The following L2HGDH variants were observed in gnomAD, a reference collection of about 807,000 sequenced individuals.
L2HGDH encodes the protein L-2-hydroxyglutarate dehydrogenase, also known as L-2-hydroxyglutarate dehydrogenase, mitochondrial.
L2HGDH carries 34 observed loss-of-function variants against 51.5 expected under a neutral mutation model. The ratio of observed to expected loss-of-function variants is 0.66; its 90% CI spans 0.50 to 0.88. The LOEUF is 0.88. L2HGDH is among the 40% of genes least tolerant of loss of function. L2HGDH has a pLI of 0.00. For missense variants in L2HGDH, 558 were observed against 571.9 expected (o/e 0.98, Z 0.25); for synonymous variants, 198 against 197.9 (o/e 1.00, Z -0.01).
chr14:50,257,484 C>G (rs1454787390), intron 9 of L2HGDH, among the ~76,000 whole-genome samples: 1 of 151,952 alleles, frequency 6.6e-6, no homozygotes, highest in Non-Finnish European at 1.5e-5. Context: ...ATCCTCCCTC[C>G]TCGGCCTCCA....
intron 9 of L2HGDH, among the ~76,000 whole-genome samples, chr14:50,247,622 G>A (rs1888082832): frequency 6.6e-6 from 1 of 152,032 alleles, no homozygotes; most frequent in Non-Finnish European, 1.5e-5. Context: ...ATCAATCAAT[G>A]GCAACAATAA....
intron 4 of L2HGDH, among the ~76,000 whole-genome samples, chr14:50,285,349 T>C (rs900336273): frequency 3.3e-5 from 5 of 152,362 alleles, no homozygotes; most frequent in Admixed American, 2.6e-4. Flanking sequence ...GTCTCTTTTT[T>C]AACAAATTGA....
rs562728776 is a variant in L2HGDH at position 50,289,488 on chromosome 14, G to C, written c.540+4627C>G. Among the ~76,000 whole-genome samples, 67 of 152,218 alleles carry C rather than the reference G, an allele frequency of 4.4e-4. 1 individual carries two copies. The South Asian group carries it at 0.013, about 30-fold the overall frequency. On this transcript the variant is annotated intron_variant, in intron 4 of 9. Transcript: ENST00000267436. Reference sequence around the variant, plus strand: ...AAAATTATAACAAATTTAGTTTAAAGATCTAATTAGCTTTATTAGAAATTC... The same window carrying C: ...AAAATTATAACAAATTTAGTTTAAACATCTAATTAGCTTTATTAGAAATTC...
chr14:50,246,705 C>T lies in L2HGDH; in HGVS notation c.*353G>A, dbSNP rs1029317490. ...CCTTGGCTTCCCAAAGTGCTGGCCA[C>T]GGCCCCCAGCCTAACATTTTGAAAA... On this transcript the variant is annotated 3_prime_UTR_variant, in exon 10 of 10. Coordinates refer to ENST00000267436, the MANE Select transcript of L2HGDH (RefSeq NM_024884.3). 2.2e-5 allele frequency: 4 copies of T among 182,138 alleles called. No individual in the cohort carries two copies. The highest frequency in any genetic ancestry group is 1.5e-4 in the East Asian group (1 of 6,506). 11.3% of individuals were successfully genotyped at this position (182,138 alleles called of 1,614,324 possible).
Position 50,245,634 on chromosome 14 carries a change from C to T in L2HGDH, c.*1424G>A. 2.0e-6 allele frequency: 2 copies of T among 979,840 alleles called. No individual in the cohort carries two copies. Among genetic ancestry groups the T allele is most frequent in the Non-Finnish European group, 2.4e-6 (2 of 824,938 alleles). 60.7% of individuals were successfully genotyped at this position (979,840 alleles called of 1,614,324 possible). A position where few individuals can be genotyped will look rare whatever the true frequency, so the allele number is the denominator to read the frequency against. On this transcript the variant is annotated 3_prime_UTR_variant, in exon 10 of 10. Coordinates refer to ENST00000267436, the MANE Select transcript of L2HGDH (RefSeq NM_024884.3). ...TCTAAATAATGTGAGTTTTGTGACTCTTCAAAATTAAAAGAATGTAACCTA... is the reference window on the plus strand; with the variant it reads ...TCTAAATAATGTGAGTTTTGTGACTTTTCAAAATTAAAAGAATGTAACCTA...
chr14:50,242,556 T>C lies in L2HGDH; in HGVS notation c.*4502A>G. 1.0e-6 allele frequency: 1 copy of C among 984,826 alleles called. No individual in the cohort carries two copies. Among genetic ancestry groups the C allele is most frequent in the Non-Finnish European group, 1.2e-6 (1 of 829,522 alleles). 61.0% of individuals were successfully genotyped at this position (984,826 alleles called of 1,614,324 possible). A position where few individuals can be genotyped will look rare whatever the true frequency, so the allele number is the denominator to read the frequency against. ...AGGATTTGAGGCCAGAAAAGTAGAG[T>C]TGGTTGGTATCAACACTGTTCTTCC... is the stretch of plus-strand genomic sequence containing the variant. On this transcript the variant is annotated 3_prime_UTR_variant, in exon 10 of 10. Coordinates refer to ENST00000267436, the MANE Select transcript of L2HGDH (RefSeq NM_024884.3).
rs2030438282 is a variant in L2HGDH, at chr14:50,302,013, A to AT, written c.408+3dup. 1 of 1,614,116 alleles carries AT rather than the reference A, an allele frequency of 6.2e-7. No homozygotes were observed. On this transcript the variant is annotated splice_donor_region_variant and intron_variant, in intron 3 of 9. Coordinates refer to ENST00000267436, the MANE Select transcript of L2HGDH (RefSeq NM_024884.3). ...TTAGTCAAGGCTCTAATAAAATGCC[A>AT]TACCTTGCCACACTGCTTGTAGGAA...
intron 9 of L2HGDH, among the ~76,000 whole-genome samples, chr14:50,261,526 A>G (rs1889021709): frequency 6.6e-6 from 1 of 152,174 alleles, no homozygotes; most frequent in Non-Finnish European, 1.5e-5. Context: ...TCTCTCCACC[A>G]GGCTGGAGGA....
chr14:50,252,505 G>C (rs969821409), intron 9 of L2HGDH, among the ~76,000 whole-genome samples: 1 of 151,650 alleles, frequency 6.6e-6, no homozygotes, highest in Admixed American at 6.6e-5. Flanking sequence ...GAAAAAACAA[G>C]ACCCAATGAT....
At chr14:50,307,899 A>C (rs951725285) in intron 1 of L2HGDH, among the ~76,000 whole-genome samples, 1 of 152,222 alleles carries the variant, frequency 6.6e-6, no homozygotes, top group African/African-American at 2.4e-5. Flanking sequence ...AAATCTTGGG[A>C]CTTAGAGTTG....
chr14:50,310,617 C>T (rs1474184756), intron 1 of L2HGDH, among the ~76,000 whole-genome samples: 2 of 151,962 alleles, frequency 1.3e-5, no homozygotes, highest in Non-Finnish European at 2.9e-5. Flanking sequence ...GAGGGAGGAT[C>T]GCTTGAGCCC....
At chr14:50,301,744 T>C (rs1179235711) in intron 3 of L2HGDH, among the ~76,000 whole-genome samples, 1 of 152,136 alleles carries the variant, frequency 6.6e-6, no homozygotes, top group Non-Finnish European at 1.5e-5. Flanking sequence ...AATTAGATAG[T>C]GGTGATGATT....
chr14:50,297,811 G>C (rs967391344), intron 3 of L2HGDH, among the ~76,000 whole-genome samples: 1 of 152,118 alleles, frequency 6.6e-6, no homozygotes, highest in Non-Finnish European at 1.5e-5. Context: ...ATATGCCTCT[G>C]GCCAGGCATA....
chr14:50,302,384 A>C (rs1046997249), intron 2 of L2HGDH, among the ~76,000 whole-genome samples: 1 of 152,160 alleles, frequency 6.6e-6, no homozygotes, highest in Non-Finnish European at 1.5e-5. Context: ...TTTGGTGCAC[A>C]AACTCACCTC....
chr14:50,247,338 TA>T (rs1232581278), intron 9 of L2HGDH, 85 bp from the exon 10 acceptor site: 157 of 1,544,720 alleles, frequency 1.0e-4, no homozygotes, highest in Non-Finnish European at 1.3e-4. Flanking sequence ...CTTAAAGCAA[TA>T]AAGTATTCTT....
rs775844474 is a variant in L2HGDH, at chr14:50,278,557, GA to G, written c.704-4del. ...TATAACAATTGGATATTGCATTCCT[GA>G]AAAAAAAGAATAAGTGAAAAATTTA... On this transcript the variant is annotated splice_polypyrimidine_tract_variant and splice_region_variant and intron_variant, in intron 5 of 9. Coordinates refer to ENST00000267436, the MANE Select transcript of L2HGDH (RefSeq NM_024884.3). 51 of 1,383,218 alleles carry G rather than the reference GA, an allele frequency of 3.7e-5. No individual in the cohort carries two copies. The highest frequency in any genetic ancestry group is 5.0e-5 in the South Asian group (4 of 80,476). The allele number at this position is 1,383,218 out of a possible 1,614,324, so 85.7% of individuals were successfully genotyped here. A position where few individuals can be genotyped will look rare whatever the true frequency, so the allele number is the denominator to read the frequency against.
At chr14:50,271,458 T>A (rs1386233242) in intron 6 of L2HGDH, among the ~76,000 whole-genome samples, 1 of 152,262 alleles carries the variant, frequency 6.6e-6, no homozygotes, top group African/African-American at 2.4e-5. Context: ...TTATGCTATA[T>A]GTGAAACAAT....
At position 50,246,383 on chromosome 14, in the gene L2HGDH, A is replaced by G. The variant is rs1384838285; in HGVS notation, c.*675T>C. The G allele has an allele frequency of 6.9e-6, 1 of 145,146 alleles. No individual in the cohort carries two copies. Among genetic ancestry groups the G allele is most frequent in the Admixed American group, 6.9e-5 (1 of 14,528 alleles). The allele number at this position is 145,146 out of a possible 1,614,324, so 9.0% of individuals were successfully genotyped here. A position where few individuals can be genotyped will look rare whatever the true frequency, so the allele number is the denominator to read the frequency against. ...CAGGCACACACCATCATGCCCAGCT[A>G]ATTTTTGTATTTTTTGTAGAGATGG... On this transcript the variant is annotated 3_prime_UTR_variant, in exon 10 of 10. Coordinates refer to ENST00000267436, the MANE Select transcript of L2HGDH (RefSeq NM_024884.3).
At position 50,247,182 on chromosome 14, in the gene L2HGDH, G is replaced by A. The variant is rs752590082; in HGVS notation, c.1268C>T (p.Ala423Val). Residue 423 changes from alanine (A) to valine (V), a missense_variant, in exon 10 of 10, where the codon GCA becomes GTA. Coordinates refer to ENST00000267436, the MANE Select transcript of L2HGDH (RefSeq NM_024884.3). ...GNLVEDFVFD[A>V]GVGDIGNRIL... is the part of the protein sequence containing the mutation. ...GCGATTTCCAATATCCCCAACTCCT[G>A]CATCAAATACAAAATCTTCTACCAG... is the stretch of plus-strand genomic sequence containing the variant. 1.2e-6 allele frequency: 2 copies of A among 1,614,012 alleles called. No individual in the cohort carries two copies. Among genetic ancestry groups the A allele is most frequent in the East Asian group, 4.5e-5 (2 of 44,894 alleles).
Sources: gnomAD v4.1 joint callset for allele counts (sites outside exome capture counted in the v4.1 genomes callset) on GRCh38, gnomAD v4.1.1 for gene constraint, MANE v1.5 for transcripts, NCBI Gene and HGNC (gene_info 2026-07-23, HGNC 2026-07-21) for gene names.